The following ZNF407 variants were observed in gnomAD, a reference collection of about 807,000 sequenced individuals.
The protein encoded by ZNF407 is zinc finger protein 407.
A neutral mutation model predicts 131.2 loss-of-function variants in ZNF407; 17 were observed. The observed-to-expected ratio is 0.13, with a 90% CI of 0.09 to 0.19. The LOEUF is 0.19. Among genes scored for constraint, ZNF407 ranks in the 10% least tolerant of loss-of-function variants. The probability of loss-of-function intolerance (pLI) is 1.00; values close to 1 mark genes in which losing one functional copy is unlikely to be tolerated. For missense variants in ZNF407, 2,681 were observed against 2,830.6 expected (o/e 0.95, Z 1.20); for synonymous variants, 1,156 against 1,062.0 (o/e 1.09, Z -1.72).
chr18:75,022,842 A>C (rs1973126276), intron 8 of ZNF407, among the ~76,000 whole-genome samples: 1 of 152,126 alleles, frequency 6.6e-6, no homozygotes, highest in Admixed American at 6.6e-5. Context: ...GTATACCCCA[A>C]AGAATATAAA....
chr18:75,010,146 CT>C (rs1171764881), intron 8 of ZNF407, among the ~76,000 whole-genome samples: 1 of 152,194 alleles, frequency 6.6e-6, no homozygotes, highest in Non-Finnish European at 1.5e-5. Flanking sequence ...CATTTCTTTT[CT>C]GATCGTGTGT....
chr18:74,870,562 A>G (rs553029593), intron 4 of ZNF407, among the ~76,000 whole-genome samples: 22 of 152,324 alleles, frequency 1.4e-4, no homozygotes, highest in South Asian at 1.0e-3. Flanking sequence ...GAAACAAGGA[A>G]CTCTCAAAGT....
chr18:74,634,592 C>T lies in ZNF407; in HGVS notation c.3573C>T (p.Asn1191=), dbSNP rs1360889542. The change falls in exon 2 of 9, where the codon AAC becomes AAT. Residue 1191 remains asparagine (N), a synonymous_variant. Transcript: ENST00000299687. ...TGATGTCACTTACTATGTCCTCAAA[C>T]TATGGCTCCCCAAGCAGATTTCAAA... ...EEMMSLTMSS[N]YGSPSRFQNE... 1.9e-6 allele frequency: 3 copies of T among 1,613,932 alleles called. No individual in the cohort carries two copies. In the South Asian group the frequency reaches 3.3e-5, roughly 18 times the overall value.
At chr18:74,896,486 G>T (rs1196493341) in intron 7 of ZNF407, among the ~76,000 whole-genome samples, 3 of 152,160 alleles carry the variant, frequency 2.0e-5, no homozygotes, top group Non-Finnish European at 4.4e-5. Context: ...AAATTGTGAT[G>T]AATTTCTGGA....
intron 8 of ZNF407, among the ~76,000 whole-genome samples, chr18:75,055,373 C>T (rs1451798616): frequency 2.0e-5 from 3 of 152,206 alleles, no homozygotes; most frequent in African/African-American, 7.2e-5. Flanking sequence ...TCACAGGCCT[C>T]TGCCCAGCAG....
At chr18:74,729,519 T>C (rs1353530701) in intron 3 of ZNF407, among the ~76,000 whole-genome samples, 1 of 152,090 alleles carries the variant, frequency 6.6e-6, no homozygotes, top group East Asian at 1.9e-4. Flanking sequence ...TTTTTTGTCT[T>C]GCATGTTCGT....
chr18:75,047,409 C>T (rs184375845), intron 8 of ZNF407, among the ~76,000 whole-genome samples: 5 of 152,326 alleles, frequency 3.3e-5, no homozygotes, highest in Admixed American at 1.3e-4. Context: ...GCCAGGGACC[C>T]TCTGCCTTCT....
At chr18:74,834,845 C>T (rs541380613) in intron 4 of ZNF407, among the ~76,000 whole-genome samples, 1 of 152,310 alleles carries the variant, frequency 6.6e-6, no homozygotes, top group African/African-American at 2.4e-5. Context: ...AGATGCCTTC[C>T]AGAGTTCATA....
intron 3 of ZNF407, among the ~76,000 whole-genome samples, chr18:74,742,630 G>GA (rs1486716806): frequency 6.6e-6 from 1 of 152,162 alleles, no homozygotes; most frequent in Non-Finnish European, 1.5e-5. Context: ...ATCATTTTAG[G>GA]AAGAGTGATA....
At position 74,680,241 on chromosome 18, in the gene ZNF407, C is replaced by A. The variant is rs374374995; in HGVS notation, c.4802+39119C>A. On this transcript the variant is annotated intron_variant, in intron 3 of 8. Transcript: ENST00000299687. ...CCTCGTGTCTACAAAAAAGAAAAAA[C>A]CAAAAAACAAAAACAAAATTAGCCA... 1.4e-3 allele frequency among the ~76,000 whole-genome samples: 209 copies of A among 151,616 alleles called. 1 individual carries two copies. The highest frequency in any genetic ancestry group is 4.6e-3 in the African/African-American group (191 of 41,342).
At chr18:74,753,987 TG>T (rs1968868660) in intron 3 of ZNF407, among the ~76,000 whole-genome samples, 1 of 152,224 alleles carries the variant, frequency 6.6e-6, no homozygotes, top group Non-Finnish European at 1.5e-5. Context: ...TGACTTTTTT[TG>T]GTTGTTAGGC....
intron 1 of ZNF407, among the ~76,000 whole-genome samples, chr18:74,627,630 C>T (rs544141350): frequency 6.6e-6 from 1 of 152,168 alleles, no homozygotes; most frequent in East Asian, 1.9e-4. Flanking sequence ...TGTGCCCAGC[C>T]AGAAGAGCAT....
At chr18:75,021,669 CAG>C (rs1285750170) in intron 8 of ZNF407, among the ~76,000 whole-genome samples, 1 of 152,052 alleles carries the variant, frequency 6.6e-6, no homozygotes, top group South Asian at 2.1e-4. Context: ...AGCAGTTTGA[CAG>C]AGTCTATTTA....
intron 3 of ZNF407, among the ~76,000 whole-genome samples, chr18:74,730,360 C>G (rs1431056664): frequency 6.6e-6 from 1 of 152,128 alleles, no homozygotes; most frequent in African/African-American, 2.4e-5. Context: ...GAATGGCCAT[C>G]CTCTTTAAAA....
chr18:74,776,226 A>G (rs1239467739), intron 3 of ZNF407, among the ~76,000 whole-genome samples: 1 of 152,184 alleles, frequency 6.6e-6, no homozygotes, highest in African/African-American at 2.4e-5. Context: ...AAGACGCCCT[A>G]AGGGGAACGG....
intron 1 of ZNF407, among the ~76,000 whole-genome samples, chr18:74,606,263 A>G (rs1342918256): frequency 1.3e-5 from 2 of 152,216 alleles, no homozygotes; most frequent in African/African-American, 4.8e-5. Context: ...TTGATTTGTA[A>G]TGAGTTTCAG....
At position 74,617,950 on chromosome 18, in the gene ZNF407, G is replaced by C. The variant is rs964294028; in HGVS notation, c.-53-13017G>C. Among the ~76,000 whole-genome samples, 422 of 152,166 alleles carry C rather than the reference G, an allele frequency of 2.8e-3. 3 individuals are homozygous for C. The highest frequency in any genetic ancestry group is 1.0e-2 in the African/African-American group (414 of 41,518). ...TCCAGCACTCCCTCCATTTTTACCAGTTGCCCCTCAGCCTTCTGCTACAAA... is the reference window on the plus strand; with the variant it reads ...TCCAGCACTCCCTCCATTTTTACCACTTGCCCCTCAGCCTTCTGCTACAAA... On this transcript the variant is annotated intron_variant, in intron 1 of 8. Coordinates refer to ENST00000299687, the MANE Select transcript of ZNF407 (RefSeq NM_017757.3).
intron 7 of ZNF407, chr18:74,898,352 T>G (rs1416330589): frequency 6.6e-6 from 1 of 152,244 alleles, no homozygotes; most frequent in African/African-American, 2.4e-5. Flanking sequence ...TTTTTTCCTA[T>G]TCATATTATT....
At chr18:74,777,448 G>A (rs952208897) in intron 3 of ZNF407, among the ~76,000 whole-genome samples, 2 of 152,144 alleles carry the variant, frequency 1.3e-5, no homozygotes, top group Non-Finnish European at 2.9e-5. Flanking sequence ...GCCTCAAGCA[G>A]TAGAGTTGGC....
Sources: allele counts gnomAD v4.1 joint callset (sites outside exome capture counted in the v4.1 genomes callset), GRCh38; gene constraint gnomAD v4.1.1; transcripts MANE v1.5; gene names NCBI Gene and HGNC (gene_info 2026-07-23, HGNC 2026-07-21).